The following CDKAL1 variants were observed in gnomAD, a reference collection of about 807,000 sequenced individuals.
CDKAL1 encodes CDKAL1 threonylcarbamoyladenosine tRNA methylthiotransferase, also known as threonylcarbamoyladenosine tRNA methylthiotransferase.
In CDKAL1, 32 loss-of-function variants were observed where a neutral mutation model predicts 68.2. The observed-to-expected ratio is 0.47, with a 90% CI of 0.35 to 0.63. CDKAL1 has a LOEUF of 0.63. Ranked by LOEUF, CDKAL1 falls within the 30% of genes least tolerant of loss-of-function variation. The probability of loss-of-function intolerance (pLI) is 0.00; values close to 1 mark genes in which losing one functional copy is unlikely to be tolerated. For missense variants in CDKAL1, 606 were observed against 696.7 expected (o/e 0.87, Z 1.47); for synonymous variants, 234 against 244.3 (o/e 0.96, Z 0.39).
chr6:20,742,607 T>C (rs1252054845), intron 6 of CDKAL1, among the ~76,000 whole-genome samples: 3 of 152,068 alleles, frequency 2.0e-5, no homozygotes, highest in Non-Finnish European at 4.4e-5. Context: ...TACCTATTTC[T>C]TAATTATTGT....
chr6:20,617,412 TA>T (rs1766968244), intron 4 of CDKAL1, among the ~76,000 whole-genome samples: 1 of 151,828 alleles, frequency 6.6e-6, no homozygotes, highest in African/African-American at 2.4e-5. Context: ...AAATGTAGCT[TA>T]AAACTATTTT....
chr6:20,919,715 T>A (rs183154428), intron 9 of CDKAL1, among the ~76,000 whole-genome samples: 4 of 152,310 alleles, frequency 2.6e-5, no homozygotes, highest in Non-Finnish European at 4.4e-5. Context: ...ATGGGCATGA[T>A]TGGTATTTTT....
At chr6:20,766,841 CAGAA>C (rs1023542554) in intron 7 of CDKAL1, among the ~76,000 whole-genome samples, 44 of 152,088 alleles carry the variant, frequency 2.9e-4, no homozygotes, top group African/African-American at 9.2e-4. Context: ...GCATCAATCC[CAGAA>C]AGAATTTGTA....
In CDKAL1 at chr6:20,725,725, G is replaced by A. The variant is rs201086164; in HGVS notation, c.372-13794G>A. ...CTTGAATCTGGGAGACCGAGGTTGC[G>A]GTCAGCTGAGATCATGCCATTGTGC... On this transcript the variant is annotated intron_variant, in intron 5 of 15. Transcript: ENST00000274695. Among the ~76,000 whole-genome samples, 57 of 151,246 alleles carry A rather than the reference G, an allele frequency of 3.8e-4. No homozygotes were observed. In the East Asian group the frequency reaches 0.011, roughly 28 times the overall value.
intron 5 of CDKAL1, among the ~76,000 whole-genome samples, chr6:20,731,421 T>C (rs1302780677): frequency 6.6e-6 from 1 of 152,138 alleles, no homozygotes; most frequent in Non-Finnish European, 1.5e-5. Context: ...TGAAACATGG[T>C]ATATTTCTGA....
At chr6:20,795,846 G>C (rs767835380) in intron 8 of CDKAL1, among the ~76,000 whole-genome samples, 19 of 152,148 alleles carry the variant, frequency 1.2e-4, no homozygotes, top group Non-Finnish European at 1.2e-4. Flanking sequence ...TCTATGTAAG[G>C]CTTGTTAGGT....
intron 5 of CDKAL1, among the ~76,000 whole-genome samples, chr6:20,717,004 G>A (rs1772128509): frequency 6.6e-6 from 1 of 152,050 alleles, no homozygotes; most frequent in Non-Finnish European, 1.5e-5. Context: ...GTGATCAGCT[G>A]TGTAAGTGTT....
chr6:21,080,748 C>T (rs537986121), intron 12 of CDKAL1, among the ~76,000 whole-genome samples: 2 of 152,294 alleles, frequency 1.3e-5, no homozygotes, highest in South Asian at 4.1e-4. Context: ...GTCAGACCAA[C>T]AGGACCAGAT....
intron 5 of CDKAL1, among the ~76,000 whole-genome samples, chr6:20,670,720 A>G (rs1301571782): frequency 6.6e-6 from 1 of 152,226 alleles, no homozygotes; most frequent in East Asian, 1.9e-4. Flanking sequence ...TAGAATAAAT[A>G]TACAGAATTC....
At chr6:21,153,722 AG>A (rs1776519341) in intron 13 of CDKAL1, among the ~76,000 whole-genome samples, 1 of 152,186 alleles carries the variant, frequency 6.6e-6, no homozygotes, top group South Asian at 2.1e-4. Context: ...AATGAGAGAA[AG>A]GGTAATAAAA....
chr6:20,780,022 G>A (rs1775346086), intron 7 of CDKAL1, among the ~76,000 whole-genome samples: 1 of 151,060 alleles, frequency 6.6e-6, no homozygotes, highest in African/African-American at 2.4e-5. Flanking sequence ...GCTGAGACAG[G>A]AGGACTGCTT....
chr6:21,046,337 G>A (rs901355313), intron 11 of CDKAL1, among the ~76,000 whole-genome samples: 68 of 152,170 alleles, frequency 4.5e-4, no homozygotes, highest in Non-Finnish European at 4.6e-4. Context: ...CTTGGCATAG[G>A]GTCAGCTACC....
chr6:20,618,062 A>C (rs1361154736), intron 4 of CDKAL1, among the ~76,000 whole-genome samples: 6 of 152,166 alleles, frequency 3.9e-5, no homozygotes, highest in Non-Finnish European at 1.5e-5. Context: ...ATTTCTCCAC[A>C]TCCTCTCTGG....
At chr6:21,072,798 G>A (rs11757677) in intron 12 of CDKAL1, among the ~76,000 whole-genome samples, 57,957 of 151,300 alleles carry the variant, frequency 0.38, 11,424 homozygotes, top group East Asian at 0.63. Context: ...GCTTTTCCCA[G>A]TACATTTGTT....
At chr6:21,029,019 C>G (rs1769114002) in intron 11 of CDKAL1, among the ~76,000 whole-genome samples, 1 of 152,134 alleles carries the variant, frequency 6.6e-6, no homozygotes, top group Non-Finnish European at 1.5e-5. Context: ...CATCAAACAT[C>G]TAACTAGATG....
Position 20,546,296 on chromosome 6 carries a change from G to A in CDKAL1, c.-5-50G>A, listed in dbSNP as rs9465799. On this transcript the variant is annotated intron_variant, in intron 2 of 15. Transcript: ENST00000274695. Reference sequence around the variant, plus strand: ...GAGAATATTTCATAAATGATGCTACGCTAAGCAGATTTTCATAAGTTGATT... The same window carrying A: ...GAGAATATTTCATAAATGATGCTACACTAAGCAGATTTTCATAAGTTGATT... 4.6e-3 allele frequency: 6,396 copies of A among 1,391,632 alleles called. 198 individuals carry two copies. In the African/African-American group the frequency reaches 0.078, roughly 17 times the overall value. 86.2% of individuals were successfully genotyped at this position (1,391,632 alleles called of 1,614,324 possible). A position where few individuals can be genotyped will look rare whatever the true frequency, so the allele number is the denominator to read the frequency against.
In CDKAL1 at chr6:20,955,460, G is replaced by T. The variant is rs1036922034; in HGVS notation, c.784G>T (p.Ala262Ser). 1 of 1,614,006 alleles carries T rather than the reference G, an allele frequency of 6.2e-7. No individual in the cohort carries two copies. The highest frequency in any genetic ancestry group is 1.3e-5 in the African/African-American group (1 of 74,914). Residue 262 changes from alanine (A) to serine (S), a missense_variant, in exon 10 of 16, where the codon GCT (alanine) becomes TCT (serine). Ala to Ser is a moderately conservative substitution (Grantham distance 99, BLOSUM62 1). Transcript: ENST00000274695. ...ATGGTTGACCAGTGAAGACACGGGG[G>T]CTTATGGCAGAGATATTGGCACCAA... ...EIWLTSEDTG[A>S]YGRDIGTNLP...
intron 9 of CDKAL1, among the ~76,000 whole-genome samples, chr6:20,887,977 C>A (rs1761173369): frequency 6.6e-6 from 1 of 150,740 alleles, no homozygotes; most frequent in Non-Finnish European, 1.5e-5. Flanking sequence ...AACATAATTT[C>A]TTTTTTTTTA....
chr6:21,153,997 T>C (rs1776531258), intron 13 of CDKAL1, among the ~76,000 whole-genome samples: 2 of 152,196 alleles, frequency 1.3e-5, no homozygotes, highest in Admixed American at 1.3e-4. Flanking sequence ...TAGATATTCA[T>C]GCCTGCCTTT....
Sources: allele counts gnomAD v4.1 joint callset (sites outside exome capture counted in the v4.1 genomes callset), GRCh38; gene constraint gnomAD v4.1.1; transcripts MANE v1.5; gene names NCBI Gene and HGNC (gene_info 2026-07-23, HGNC 2026-07-21).